The following COL6A5 variants were observed in gnomAD, a reference collection of about 807,000 sequenced individuals.
The protein encoded by COL6A5 is collagen alpha-5(VI) chain.
Under a neutral mutation model 65.6 loss-of-function variants are expected in COL6A5, and 48 were observed. The observed-to-expected ratio is 0.73, with a 90% CI of 0.58 to 0.93. COL6A5 has a LOEUF of 0.93. COL6A5 is among the 40% of genes least tolerant of loss of function. COL6A5 has a pLI of 0.00. For synonymous variants in COL6A5, 291 were observed against 322.8 expected (o/e 0.90, Z 1.05); for missense variants, 914 against 928.3 (o/e 0.98, Z 0.20).
chr3:130,457,274 T>C (rs1709594720), intron 5 of COL6A5, among the ~76,000 whole-genome samples: 1 of 151,970 alleles, frequency 6.6e-6, no homozygotes, highest in African/African-American at 2.4e-5. Context: ...AAATTGTCAT[T>C]TGTGATAGCT....
chr3:130,418,546 G>T (rs575773007), intron 24 of COL6A5, among the ~76,000 whole-genome samples: 2 of 152,052 alleles, frequency 1.3e-5, no homozygotes, highest in Non-Finnish European at 2.9e-5. Context: ...TGTTTATTTT[G>T]CAGTTCAATA....
At chr3:130,416,687 G>T (rs1937347334) in intron 23 of COL6A5, 70 bp from the exon 24 acceptor site, 1 of 885,296 alleles carries the variant, frequency 1.1e-6, no homozygotes, top group East Asian at 2.7e-5. Flanking sequence ...GAAGGAAAGT[G>T]AAATGTTTCT....
At chr3:130,438,385 TTGAA>T (rs1411218227) in intron 1 of COL6A5, among the ~76,000 whole-genome samples, 2 of 152,024 alleles carry the variant, frequency 1.3e-5, no homozygotes, top group African/African-American at 4.8e-5. Context: ...TAAATATTTG[TTGAA>T]TGAATGAGTG....
chr3:130,426,845 A>C (rs1020221462), upstream of COL6A5, among the ~76,000 whole-genome samples: 4 of 152,028 alleles, frequency 2.6e-5, no homozygotes, highest in Non-Finnish European at 5.9e-5. Context: ...GGCAAAAAAT[A>C]GTTTCAGAAA....
chr3:130,394,174 C>G (rs1443829266), intron 7 of COL6A5, among the ~76,000 whole-genome samples: 1 of 152,150 alleles, frequency 6.6e-6, no homozygotes, highest in Admixed American at 6.5e-5. Flanking sequence ...ACCTTATGCT[C>G]TGTTTACCAG....
At chr3:130,451,415 T>C (rs979116845) in intron 4 of COL6A5, among the ~76,000 whole-genome samples, 1 of 152,070 alleles carries the variant, frequency 6.6e-6, no homozygotes, top group Non-Finnish European at 1.5e-5. Flanking sequence ...TGGTGATTAC[T>C]GCTGTTCACA....
chr3:130,376,127 G>T, intron 2 of COL6A5, 110 bp from the exon 3 acceptor site: 1 of 1,107,460 alleles, frequency 9.0e-7, no homozygotes, highest in Non-Finnish European at 1.2e-6. Context: ...ACTTTTCTTG[G>T]GATTCTGATA....
intron 4 of COL6A5, among the ~76,000 whole-genome samples, chr3:130,444,693 A>G (rs937427709): frequency 6.6e-6 from 1 of 152,154 alleles, no homozygotes; most frequent in Non-Finnish European, 1.5e-5. Context: ...TAATTCCAAA[A>G]TTTACTACAG....
At chr3:130,408,175 T>C (rs1271790998) in intron 17 of COL6A5, among the ~76,000 whole-genome samples, 2 of 151,988 alleles carry the variant, frequency 1.3e-5, no homozygotes, top group Non-Finnish European at 2.9e-5. Context: ...AACAGAGTCA[T>C]ATTTCTCTTC....
rs538369434 is a variant in COL6A5 at position 130,397,109 on chromosome 3, C to T, written c.3569-474C>T. On this transcript the variant is annotated intron_variant and NMD_transcript_variant, in intron 8 of 41. Coordinates refer to the COL6A5 transcript ENST00000312481. ...GTCTCGATCTCCTGACCTCATGATCCACCTGCCTCGGCCTCCTAAAGTGCT... is the reference window on the plus strand; with the variant it reads ...GTCTCGATCTCCTGACCTCATGATCTACCTGCCTCGGCCTCCTAAAGTGCT... 7.9e-5 allele frequency among the ~76,000 whole-genome samples: 12 copies of T among 152,230 alleles called. No homozygotes were observed. The South Asian group carries it at 2.5e-3, about 32-fold the overall frequency.
intron 1 of COL6A5, among the ~76,000 whole-genome samples, chr3:130,434,861 T>C (rs570690802): frequency 6.6e-6 from 1 of 152,324 alleles, no homozygotes; most frequent in East Asian, 1.9e-4. Flanking sequence ...ATGGGTAGAT[T>C]GCAAAAATTT....
chr3:130,376,950 G>GATACGGCGACCACC, intron 3 of COL6A5, 114 bp downstream of exon 3: 4 of 1,214,104 alleles, frequency 3.3e-6, no homozygotes, highest in South Asian at 3.4e-5. Flanking sequence ...TTGAAGTATT[G>GATACGGCGACCACC]GAAACTTCTA....
rs73214723 is a variant in COL6A5, at chr3:130,416,316, A to G, written c.4825-441A>G. On this transcript the variant is annotated intron_variant and NMD_transcript_variant, in intron 23 of 41. Transcript: ENST00000312481. ...TGTGGTCAGTTATCTTTCTGATAATATGTGTGTGAAAGACACGTCTGCCCA... is the reference window on the plus strand; with the variant it reads ...TGTGGTCAGTTATCTTTCTGATAATGTGTGTGTGAAAGACACGTCTGCCCA... Among the ~76,000 whole-genome samples, 141 of 152,232 alleles carry G rather than the reference A, an allele frequency of 9.3e-4. 1 individual carries two copies. The highest frequency in any genetic ancestry group is 1.8e-3 in the Non-Finnish European group (125 of 68,002).
rs561726653 is a variant in COL6A5 at position 130,446,143 on chromosome 3, G to T, written c.1332+2577G>T. Among the ~76,000 whole-genome samples the T allele has an allele frequency of 5.3e-5, 8 of 152,210 alleles. 1 individual carries two copies. Among genetic ancestry groups the T allele is most frequent in the African/African-American group, 1.9e-4 (8 of 41,556 alleles). Reference sequence around the variant, plus strand: ...CTAGGTGCATGTCCGAGGCACAGAGGGGGGTATTTATAACCCATGGTAACA... The same window carrying T: ...CTAGGTGCATGTCCGAGGCACAGAGTGGGGTATTTATAACCCATGGTAACA... On this transcript the variant is annotated intron_variant, in intron 4 of 7. Transcript: ENST00000512836.
At chr3:130,450,787 T>A (rs1709413722) in intron 4 of COL6A5, among the ~76,000 whole-genome samples, 1 of 152,130 alleles carries the variant, frequency 6.6e-6, no homozygotes, top group Non-Finnish European at 1.5e-5. Context: ...CTGTAGCGCG[T>A]AATTTATCCC....
intron 1 of COL6A5, among the ~76,000 whole-genome samples, chr3:130,361,094 A>G (rs1290340808): frequency 1.3e-5 from 2 of 152,070 alleles, no homozygotes; most frequent in African/African-American, 4.8e-5. Flanking sequence ...CTGACACATC[A>G]TTATCATCCA....
intron 5 of COL6A5, among the ~76,000 whole-genome samples, chr3:130,386,361 T>A (rs1193277842): frequency 6.6e-6 from 1 of 152,040 alleles, no homozygotes; most frequent in Non-Finnish European, 1.5e-5. Context: ...ACAAAAAAGT[T>A]AGCTGTTGCA....
At chr3:130,466,399 T>A (rs1156513647) in intron 5 of COL6A5, among the ~76,000 whole-genome samples, 11 of 152,016 alleles carry the variant, frequency 7.2e-5, no homozygotes, top group African/African-American at 2.6e-4. Context: ...AAAAGGGACA[T>A]TAGAAAGTAT....
At chr3:130,410,335 G>A in intron 19 of COL6A5, 136 bp from the exon 20 acceptor site, 1 of 693,490 alleles carries the variant, frequency 1.4e-6, no homozygotes, top group Non-Finnish European at 2.5e-6. Flanking sequence ...GCATATAACT[G>A]TTAATATGCA....
Sources: allele counts gnomAD v4.1 joint callset (sites outside exome capture counted in the v4.1 genomes callset), GRCh38; gene constraint gnomAD v4.1.1; transcripts MANE v1.5; gene names NCBI Gene and HGNC (gene_info 2026-07-23, HGNC 2026-07-21).